SEC23B: variants seen among roughly 807,000 people sequenced by gnomAD.
The protein encoded by SEC23B is SEC23 homolog B, COPII component.
SEC23B carries 77 observed loss-of-function variants against 104.3 expected under a neutral mutation model. The observed-to-expected ratio is 0.74, with a 90% CI of 0.61 to 0.89. SEC23B has a LOEUF of 0.89. SEC23B is among the 40% of genes least tolerant of loss of function. The pLI is 0.00. For synonymous variants in SEC23B, 338 were observed against 332.5 expected (o/e 1.02, Z -0.18); for missense variants, 885 against 949.4 (o/e 0.93, Z 0.89).
At chr20:18,528,186 T>A (rs1600245623) in intron 9 of SEC23B, among the ~76,000 whole-genome samples, 1 of 152,170 alleles carries the variant, frequency 6.6e-6, no homozygotes, top group East Asian at 1.9e-4. Context: ...CCAGACCTCC[T>A]GAATCGGAAA....
At chr20:18,552,477 TA>T (rs2060396774) in intron 17 of SEC23B, among the ~76,000 whole-genome samples, 1 of 152,126 alleles carries the variant, frequency 6.6e-6, no homozygotes, top group African/African-American at 2.4e-5. Flanking sequence ...AACTGCAGGT[TA>T]AAAATAATTT....
intron 1 of SEC23B, among the ~76,000 whole-genome samples, chr20:18,508,716 C>CTTTTTTTTTTTTTTTTTTTTTTTT (rs398035473): frequency 5.1e-5 from 5 of 97,486 alleles, no homozygotes; most frequent in African/African-American, 2.1e-4. Context: ...GCAGTAGCTT[C>CTTTTTTTTTTTTTTTTTTTTTTTT]TTTTTTTTTT....
At chr20:18,539,834 G>A (rs893937174) in intron 12 of SEC23B, among the ~76,000 whole-genome samples, 8 of 151,120 alleles carry the variant, frequency 5.3e-5, no homozygotes, top group East Asian at 2.0e-4. Flanking sequence ...TAGTAGAGAC[G>A]GGGTTTCACC....
At chr20:18,560,436 G>T (rs567350836) in intron 19 of SEC23B, among the ~76,000 whole-genome samples, 132 of 152,286 alleles carry the variant, frequency 8.7e-4, no homozygotes, top group African/African-American at 3.0e-3. Context: ...AGCAGGCGGT[G>T]GTGGCCTGAT....
intron 3 of SEC23B, among the ~76,000 whole-genome samples, chr20:18,512,495 G>C (rs1290196875): frequency 6.6e-6 from 1 of 152,126 alleles, no homozygotes; most frequent in East Asian, 1.9e-4. Context: ...GCTTGGGGCT[G>C]GGGAGGGGGT....
chr20:18,531,652 CAAAAAAA>C (rs11482973), intron 10 of SEC23B, among the ~76,000 whole-genome samples: 2 of 99,514 alleles, frequency 2.0e-5, no homozygotes, highest in African/African-American at 8.5e-5. Context: ...GAAACTGTCT[CAAAAAAA>C]AAAAAAAAAA....
intron 3 of SEC23B, among the ~76,000 whole-genome samples, chr20:18,515,066 A>T (rs1359417642): frequency 6.6e-6 from 1 of 152,116 alleles, no homozygotes; most frequent in Non-Finnish European, 1.5e-5. Context: ...TAATCCCAGC[A>T]CTTTGGGAGA....
At chr20:18,511,120 C>A in intron 2 of SEC23B, 64 bp downstream of exon 2, 2 of 1,338,092 alleles carry the variant, frequency 1.5e-6, no homozygotes, top group Non-Finnish European at 1.1e-6. Flanking sequence ...TTATGTGATG[C>A]TCATAAAAGT....
Position 18,543,439 on chromosome 20 carries a change from C to T in SEC23B, c.1665+267C>T, listed in dbSNP as rs116804484. Among the ~76,000 whole-genome samples, 894 of 152,238 alleles carry T rather than the reference C, an allele frequency of 5.9e-3. 5 individuals are homozygous for T. Among genetic ancestry groups the T allele is most frequent in the African/African-American group, 0.021 (865 of 41,546 alleles). ...GTGGGTTGAGTTGACTTAGATGAGT[C>T]ATTTTGTGAATGCTCTGGTCTTGTA... On this transcript the variant is annotated intron_variant, in intron 14 of 19. Transcript: ENST00000650089.
rs2060483577 is a variant in SEC23B at position 18,560,612 on chromosome 20, T to A, written c.2215-39T>A. 3 of 1,513,654 alleles carry A rather than the reference T, an allele frequency of 2.0e-6. No individual in the cohort carries two copies. The South Asian group carries it at 3.4e-5, about 17-fold the overall frequency. 93.8% of individuals were successfully genotyped at this position (1,513,654 alleles called of 1,614,324 possible). A position where few individuals can be genotyped will look rare whatever the true frequency, so the allele number is the denominator to read the frequency against. On this transcript the variant is annotated intron_variant, in intron 19 of 19. Coordinates refer to ENST00000650089, the MANE Select transcript of SEC23B (RefSeq NM_006363.6). The stretch of plus-strand genomic sequence containing the variant: ...CAGCTCATGAATTCTAATCAGCTTC[T>A]AAGATATCTGCCAACTAATCTTTAT...
At chr20:18,539,264 G>A (rs1369763459) in intron 12 of SEC23B, among the ~76,000 whole-genome samples, 2 of 149,748 alleles carry the variant, frequency 1.3e-5, no homozygotes, top group Admixed American at 1.3e-4. Flanking sequence ...CCAGCACTTT[G>A]GGAGGCCAGG....
At chr20:18,523,878 A>C (rs550895371) in intron 4 of SEC23B, among the ~76,000 whole-genome samples, 2 of 151,614 alleles carry the variant, frequency 1.3e-5, no homozygotes, top group South Asian at 2.1e-4. Context: ...CTAATTTTTA[A>C]ATTTTTATAT....
intron 17 of SEC23B, among the ~76,000 whole-genome samples, chr20:18,553,602 T>G (rs79722698): frequency 0.019 from 2,918 of 152,350 alleles, 37 homozygotes; most frequent in Middle Eastern, 0.041. Flanking sequence ...ATAAAATGTG[T>G]AGCGTAGTCA....
Position 18,520,739 on chromosome 20 carries a change from A to C in SEC23B, c.367-3694A>C, listed in dbSNP as rs147304319. 2.4e-3 allele frequency among the ~76,000 whole-genome samples: 368 copies of C among 152,094 alleles called. 7 individuals are homozygous for C. Among genetic ancestry groups the C allele is most frequent in the Admixed American group, 0.02 (302 of 15,262 alleles). On this transcript the variant is annotated intron_variant, in intron 4 of 19. Coordinates refer to ENST00000650089, the MANE Select transcript of SEC23B (RefSeq NM_006363.6). ...GGCCCTTGAAAAGAAGGTAATGTGG[A>C]GTGGGTAGCCTCTGTACTGATTAAG...
chr20:18,549,518 G>A (rs2060366164), intron 16 of SEC23B, among the ~76,000 whole-genome samples: 1 of 151,652 alleles, frequency 6.6e-6, no homozygotes, highest in Non-Finnish European at 1.5e-5. Flanking sequence ...CCGATACGGA[G>A]GGCCAACAGT....
chr20:18,538,519 C>G (rs2060258052), intron 12 of SEC23B, among the ~76,000 whole-genome samples: 2 of 152,088 alleles, frequency 1.3e-5, no homozygotes, highest in African/African-American at 4.8e-5. Context: ...TTCCAAAGTG[C>G]TGGGATTACA....
At chr20:18,555,652 G>A (rs6132079) in intron 19 of SEC23B, among the ~76,000 whole-genome samples, 19,022 of 151,844 alleles carry the variant, frequency 0.13, 1,294 homozygotes, top group Admixed American at 0.18. Context: ...CTTTCATTCT[G>A]TTTTCTTAAA....
At chr20:18,514,452 G>A (rs951778119) in intron 3 of SEC23B, among the ~76,000 whole-genome samples, 2 of 152,170 alleles carry the variant, frequency 1.3e-5, no homozygotes, top group Admixed American at 1.3e-4. Flanking sequence ...CGCAAGCTCA[G>A]TTGTACCCTT....
At chr20:18,541,215 C>T (rs146382933) in intron 12 of SEC23B, among the ~76,000 whole-genome samples, 1 of 152,350 alleles carries the variant, frequency 6.6e-6, no homozygotes, top group East Asian at 1.9e-4. Flanking sequence ...AGAGTTGGGA[C>T]CTTGCTCTGG....
Sources: allele counts gnomAD v4.1 joint callset (sites outside exome capture counted in the v4.1 genomes callset), GRCh38; gene constraint gnomAD v4.1.1; transcripts MANE v1.5; gene names NCBI Gene and HGNC (gene_info 2026-07-23, HGNC 2026-07-21).